The following MTA3 variants were observed in gnomAD, a reference collection of about 807,000 sequenced individuals.
MTA3 encodes the protein metastasis-associated protein MTA3.
In MTA3, 34 loss-of-function variants were observed where a neutral mutation model predicts 83.5. That is an observed-to-expected ratio of 0.41 (90% CI 0.31 to 0.54). MTA3 has a LOEUF of 0.54. MTA3 is among the 20% of genes least tolerant of loss of function. The probability of loss-of-function intolerance (pLI) is 0.33; values close to 1 mark genes in which losing one functional copy is unlikely to be tolerated. For synonymous variants in MTA3, 303 were observed against 252.7 expected (o/e 1.20, Z -1.89); for missense variants, 761 against 726.4 (o/e 1.05, Z -0.55).
At chr2:42,639,839 A>G (rs1687543419) in intron 4 of MTA3, among the ~76,000 whole-genome samples, 1 of 152,222 alleles carries the variant, frequency 6.6e-6, no homozygotes, top group Non-Finnish European at 1.5e-5. Flanking sequence ...TTATAGGTTC[A>G]GAAACTGACT....
At chr2:42,635,877 T>A (rs1012666740) in intron 4 of MTA3, among the ~76,000 whole-genome samples, 5 of 152,098 alleles carry the variant, frequency 3.3e-5, no homozygotes, top group African/African-American at 1.2e-4. Flanking sequence ...GCAGTTCTTG[T>A]GCCACAGCCT....
intron 3 of MTA3, among the ~76,000 whole-genome samples, 175 bp downstream of exon 3, chr2:42,579,375 C>T (rs1219978657): frequency 6.7e-6 from 1 of 148,774 alleles, no homozygotes; most frequent in Non-Finnish European, 1.5e-5. Flanking sequence ...TGTTTGGTTT[C>T]AGTGTATATG....
rs550561990 is a variant in MTA3, at chr2:42,725,961, A to G, written c.1759+2926A>G. ...GTTACGAATGGACCTTTTCATTGGG[A>G]TAATGGGCCTGTTTCCTATGTCCAC... is the stretch of plus-strand genomic sequence containing the variant. On this transcript the variant is annotated intron_variant, in intron 16 of 16. Transcript: ENST00000405094. Among the ~76,000 whole-genome samples the G allele has an allele frequency of 1.1e-4, 17 of 152,320 alleles. No homozygotes were observed. In the South Asian group the frequency reaches 1.5e-3, roughly 13 times the overall value.
intron 16 of MTA3, among the ~76,000 whole-genome samples, chr2:42,727,497 G>A (rs1239227147): frequency 2.6e-5 from 4 of 152,202 alleles, no homozygotes; most frequent in Non-Finnish European, 5.9e-5. Context: ...GTGAGTAGGT[G>A]AGGGCTTAGG....
chr2:42,573,260 A>T (rs933566011), intron 2 of MTA3, among the ~76,000 whole-genome samples: 1 of 152,196 alleles, frequency 6.6e-6, no homozygotes, highest in Non-Finnish European at 1.5e-5. Flanking sequence ...TGAGAAGGCA[A>T]GCCTGACCTA....
chr2:42,582,339 T>A (rs1016692642), intron 3 of MTA3, among the ~76,000 whole-genome samples: 17 of 152,248 alleles, frequency 1.1e-4, no homozygotes, highest in African/African-American at 3.9e-4. Context: ...ATTACAGGCG[T>A]GAGCCACTGC....
chr2:42,639,834 G>A (rs901642904), intron 4 of MTA3, among the ~76,000 whole-genome samples: 1 of 152,058 alleles, frequency 6.6e-6, no homozygotes, highest in African/African-American at 2.4e-5. Flanking sequence ...TCTATTTATA[G>A]GTTCAGAAAC....
At chr2:42,634,769 T>C (rs1432473095) in intron 4 of MTA3, among the ~76,000 whole-genome samples, 1 of 152,206 alleles carries the variant, frequency 6.6e-6, no homozygotes, top group African/African-American at 2.4e-5. Context: ...CTCCTCTCGA[T>C]GGTGGCTTCT....
At chr2:42,722,859 T>C (rs953614849) in intron 15 of MTA3, 30 bp from the exon 16 acceptor site, 2 of 1,549,956 alleles carry the variant, frequency 1.3e-6, no homozygotes, top group Admixed American at 3.9e-5. Context: ...TATCATGTTC[T>C]GAATTGAGAA....
chr2:42,705,755 C>G (rs1021951197), intron 12 of MTA3, among the ~76,000 whole-genome samples: 1 of 152,044 alleles, frequency 6.6e-6, no homozygotes, highest in Middle Eastern at 3.2e-3. Context: ...TTCACACTCA[C>G]GTATATCCCC....
rs188460344 is a variant in MTA3 at position 42,584,787 on chromosome 2, A to C, written c.190+5587A>C. ...GAGACTGAGGCAGGAGGATTGCTTG[A>C]GCCCAGGAGATTGAGGCTGCAGTGA... On this transcript the variant is annotated intron_variant, in intron 3 of 16. Coordinates refer to ENST00000405094, the MANE Select transcript of MTA3 (RefSeq NM_001330442.2). Among the ~76,000 whole-genome samples, 3 of 152,158 alleles carry C rather than the reference A, an allele frequency of 2.0e-5. No homozygotes were observed. In the East Asian group the frequency reaches 5.8e-4, roughly 29 times the overall value.
chr2:42,526,462 G>C (rs1000304481), intron 2 of MTA3, among the ~76,000 whole-genome samples: 8 of 152,102 alleles, frequency 5.3e-5, no homozygotes, highest in African/African-American at 1.9e-4. Context: ...ACATTCCTTG[G>C]AATGTCTATT....
Position 42,659,835 on chromosome 2 carries a change from T to C in MTA3, c.675T>C (p.Ala225=). 3 of 1,606,366 alleles carry C rather than the reference T, an allele frequency of 1.9e-6. No individual in the cohort carries two copies. Among genetic ancestry groups the C allele is most frequent in the Non-Finnish European group, 2.5e-6 (3 of 1,176,498 alleles). ...SVRQPSLHMS[A]AAASRDITLF... Reference sequence around the variant, plus strand: ...GGCAGCCTAGTTTGCATATGAGTGCTGCTGCAGCTTCCCGAGACATCACCT... The same window carrying C: ...GGCAGCCTAGTTTGCATATGAGTGCCGCTGCAGCTTCCCGAGACATCACCT... The change falls in exon 8 of 17, where the codon GCT becomes GCC. Residue 225 remains alanine (A), a synonymous_variant. Transcript: ENST00000405094.
intron 4 of MTA3, among the ~76,000 whole-genome samples, chr2:42,633,439 C>T (rs2104267765): frequency 6.6e-6 from 1 of 151,816 alleles, no homozygotes; most frequent in East Asian, 1.9e-4. Context: ...GTTAGCGGGG[C>T]CTGGTGGTTC....
intron 2 of MTA3, among the ~76,000 whole-genome samples, chr2:42,508,809 TTA>T (rs1354629213): frequency 6.8e-6 from 1 of 146,982 alleles, no homozygotes; most frequent in Non-Finnish European, 1.5e-5. Flanking sequence ...ATATTGTAAA[TTA>T]TATATGATAT....
At chr2:42,543,412 G>A (rs751970041) in intron 2 of MTA3, among the ~76,000 whole-genome samples, 6 of 151,984 alleles carry the variant, frequency 3.9e-5, no homozygotes, top group Non-Finnish European at 8.8e-5. Context: ...TCCTGACCTC[G>A]TGATCCACCT....
intron 8 of MTA3, among the ~76,000 whole-genome samples, chr2:42,679,085 C>T (rs1345924959): frequency 1.3e-5 from 2 of 152,094 alleles, no homozygotes; most frequent in Admixed American, 6.6e-5. Flanking sequence ...GAGCAAATAC[C>T]TTGTATTATT....
intron 5 of MTA3, among the ~76,000 whole-genome samples, chr2:42,643,918 C>G (rs958717455): frequency 6.6e-6 from 1 of 152,152 alleles, no homozygotes; most frequent in African/African-American, 2.4e-5. Flanking sequence ...TTGTTTCAAG[C>G]TGTTTCTTTT....
At position 42,540,738 on chromosome 2, in the gene MTA3, G is replaced by C. The variant is rs534510955; in HGVS notation, c.-140-29699G>C. On this transcript the variant is annotated intron_variant, in intron 2 of 17. Coordinates refer to the MTA3 transcript ENST00000405592. ...TAGTCCTACCTACTTGGAAGGCTGAGGTAGAAGAATCACTTGATCCCAAGA... is the reference window on the plus strand; with the variant it reads ...TAGTCCTACCTACTTGGAAGGCTGACGTAGAAGAATCACTTGATCCCAAGA... Among the ~76,000 whole-genome samples, 173 of 151,522 alleles carry C rather than the reference G, an allele frequency of 1.1e-3. 1 individual carries two copies. Among genetic ancestry groups the C allele is most frequent in the South Asian group, 2.5e-3 (12 of 4,790 alleles).
Sources: gnomAD v4.1 joint callset for allele counts (sites outside exome capture counted in the v4.1 genomes callset) on GRCh38, gnomAD v4.1.1 for gene constraint, MANE v1.5 for transcripts, NCBI Gene and HGNC (gene_info 2026-07-23, HGNC 2026-07-21) for gene names.